Variants in KLF12 observed in about 807,000 individuals in gnomAD.
The protein encoded by KLF12 is KLF transcription factor 12.
A neutral mutation model predicts 37.8 loss-of-function variants in KLF12; 9 were observed. The observed-to-expected ratio is 0.24, with a 90% CI of 0.14 to 0.42. KLF12 has a LOEUF of 0.42. KLF12 is among the 10% of genes least tolerant of loss of function. The pLI is 1.00. For synonymous variants in KLF12, 208 were observed against 202.1 expected (o/e 1.03, Z -0.25); for missense variants, 411 against 516.0 (o/e 0.80, Z 1.97).
chr13:74,039,112 T>C lies in KLF12; in HGVS notation c.-31-44059A>G, dbSNP rs1419965728. ...TTAATATTTTATTTACGCATTTTTT[T>C]CCTTTGCTTCTAATTAATTTCAATT... is the stretch of plus-strand genomic sequence containing the variant. On this transcript the variant is annotated intron_variant, in intron 1 of 7. Transcript: ENST00000377669. Among the ~76,000 whole-genome samples the C allele has an allele frequency of 2.6e-5, 4 of 152,092 alleles. 1 individual carries two copies. In the South Asian group the frequency reaches 6.2e-4, roughly 24 times the overall value.
chr13:73,869,997 T>A (rs557855099), intron 3 of KLF12, among the ~76,000 whole-genome samples: 50 of 152,298 alleles, frequency 3.3e-4, no homozygotes, highest in African/African-American at 1.2e-3. Context: ...GATTACCCAG[T>A]TAGAACATTC....
chr13:74,097,367 A>C (rs1013259890), intron 1 of KLF12, among the ~76,000 whole-genome samples: 1 of 152,186 alleles, frequency 6.6e-6, no homozygotes, highest in Non-Finnish European at 1.5e-5. Context: ...CTGTGCTGGG[A>C]CCACATTACC....
chr13:74,271,907 G>A, the KLF12 span, among the ~76,000 whole-genome samples: 2 of 152,174 alleles, frequency 1.3e-5, no homozygotes, highest in Non-Finnish European at 2.9e-5. Context: ...AGGGCAAGGG[G>A]CAAAGAACTC....
chr13:74,085,737 C>T lies in KLF12; in HGVS notation c.-32+48002G>A, dbSNP rs1875245622. On this transcript the variant is annotated intron_variant, in intron 1 of 7. Coordinates refer to ENST00000377669, the MANE Select transcript of KLF12 (RefSeq NM_007249.5). ...ATTGTGCACCAATTCCTGGGCACCA[C>T]CTTCAAAGGTTCTGATTTAGCCATC... is the stretch of plus-strand genomic sequence containing the variant. Among the ~76,000 whole-genome samples the T allele has an allele frequency of 2.0e-5, 3 of 152,156 alleles. No individual in the cohort carries two copies. The South Asian group carries it at 6.2e-4, about 32-fold the overall frequency.
chr13:73,738,079 ATATG>A (rs1421889017), intron 6 of KLF12, among the ~76,000 whole-genome samples: 3 of 145,860 alleles, frequency 2.1e-5, no homozygotes, highest in East Asian at 2.0e-4. Flanking sequence ...ACACACACAT[ATATG>A]TATGTGTACA....
intron 3 of KLF12, among the ~76,000 whole-genome samples, chr13:73,850,267 G>GT (rs1388083501): frequency 1.3e-5 from 2 of 151,730 alleles, no homozygotes; most frequent in Non-Finnish European, 1.5e-5. Flanking sequence ...CAGTGAACAT[G>GT]TTTTTTTTGA....
At chr13:73,957,592 C>T (rs1890883704) in intron 2 of KLF12, among the ~76,000 whole-genome samples, 1 of 152,176 alleles carries the variant, frequency 6.6e-6, no homozygotes, top group Non-Finnish European at 1.5e-5. Context: ...TTATCCTTGG[C>T]TCTACATCAG....
chr13:73,872,748 T>C (rs1210983265), intron 3 of KLF12, among the ~76,000 whole-genome samples: 2 of 152,210 alleles, frequency 1.3e-5, no homozygotes, highest in Non-Finnish European at 2.9e-5. Context: ...ATACCTCACT[T>C]AGCTAAGACA....
At chr13:73,849,652 A>C (rs1885224152) in intron 3 of KLF12, among the ~76,000 whole-genome samples, 1 of 152,164 alleles carries the variant, frequency 6.6e-6, no homozygotes, top group Non-Finnish European at 1.5e-5. Flanking sequence ...AGAAACAACA[A>C]AGAAAGGTCG....
chr13:73,938,466 C>T (rs1890048030), intron 3 of KLF12, among the ~76,000 whole-genome samples: 1 of 152,142 alleles, frequency 6.6e-6, no homozygotes, highest in South Asian at 2.1e-4. Flanking sequence ...GCACCCGTCT[C>T]CAAATCCTCT....
At chr13:74,062,575 C>A (rs912682414) in intron 1 of KLF12, among the ~76,000 whole-genome samples, 4 of 152,166 alleles carry the variant, frequency 2.6e-5, no homozygotes, top group African/African-American at 9.6e-5. Flanking sequence ...TTCTTAAGGG[C>A]TTAAAAATGC....
intron 3 of KLF12, among the ~76,000 whole-genome samples, chr13:73,898,960 T>C (rs9565061): frequency 0.21 from 32,670 of 152,098 alleles, 4,333 homozygotes; most frequent in East Asian, 0.63. Flanking sequence ...CCTACAAAAG[T>C]TATCCAGCCA....
the KLF12 span, among the ~76,000 whole-genome samples, chr13:74,141,168 T>A: frequency 6.6e-6 from 1 of 152,242 alleles, no homozygotes; most frequent in East Asian, 1.9e-4. Context: ...TGAAAGACAT[T>A]ACAAATTCAG....
At chr13:74,190,612 A>G in the KLF12 span, among the ~76,000 whole-genome samples, 1 of 152,324 alleles carries the variant, frequency 6.6e-6, no homozygotes, top group South Asian at 2.1e-4. Context: ...CTCAATTAAT[A>G]CTTTATCATT....
At chr13:74,257,896 T>A in the KLF12 span, 1 of 152,178 alleles carries the variant, frequency 6.6e-6, no homozygotes, top group South Asian at 2.1e-4. Context: ...TAAGTAGATA[T>A]CAGCTATTTC....
Position 73,738,122 on chromosome 13 carries a change from T to TAC in KLF12, c.870-22598_870-22597insGT, listed in dbSNP as rs1474999870. On this transcript the variant is annotated intron_variant, in intron 6 of 7. Coordinates refer to ENST00000377669, the MANE Select transcript of KLF12 (RefSeq NM_007249.5). ...ATATATATATATATATATATATATATATACACACACACACATATATATACA... is the reference window on the plus strand; with the variant it reads ...ATATATATATATATATATATATATATACATACACACACACACATATATATACA... Among the ~76,000 whole-genome samples the TAC allele has an allele frequency of 2.0e-3, 132 of 64,872 alleles. 1 individual carries two copies. Among genetic ancestry groups the TAC allele is most frequent in the Non-Finnish European group, 2.9e-3 (102 of 35,004 alleles). The allele number at this position is 64,872 out of a possible 152,430, so 42.6% of individuals were successfully genotyped here. A position where few individuals can be genotyped will look rare whatever the true frequency, so the allele number is the denominator to read the frequency against.
At position 74,109,576 on chromosome 13, in the gene KLF12, G is replaced by A. The variant is rs376745477; in HGVS notation, c.-32+24163C>T. 3.8e-4 allele frequency among the ~76,000 whole-genome samples: 58 copies of A among 152,268 alleles called. 1 individual carries two copies. The South Asian group carries it at 9.1e-3, about 24-fold the overall frequency. On this transcript the variant is annotated intron_variant, in intron 1 of 7. Coordinates refer to ENST00000377669, the MANE Select transcript of KLF12 (RefSeq NM_007249.5). ...TTAGTTAAAAGCAACATACCATGAT[G>A]TCAAATCATCAATATTTCAAAGAAG...
At chr13:73,887,348 G>A (rs116882812) in intron 3 of KLF12, among the ~76,000 whole-genome samples, 4,055 of 152,270 alleles carry the variant, frequency 0.027, 130 homozygotes, top group Admixed American at 0.098. Flanking sequence ...GGGCCTGGTG[G>A]GAGCTAACTG....
At chr13:74,199,670 A>G in the KLF12 span, among the ~76,000 whole-genome samples, 1 of 152,222 alleles carries the variant, frequency 6.6e-6, no homozygotes, top group Non-Finnish European at 1.5e-5. Context: ...GTGAAACAAA[A>G]GAATTGTGTA....
Sources: allele counts gnomAD v4.1 joint callset (sites outside exome capture counted in the v4.1 genomes callset), GRCh38; gene constraint gnomAD v4.1.1; transcripts MANE v1.5; gene names NCBI Gene and HGNC (gene_info 2026-07-23, HGNC 2026-07-21).